The following ASAP1 variants were observed in gnomAD, a reference collection of about 807,000 sequenced individuals.
ASAP1 encodes the protein ArfGAP with SH3 domain, ankyrin repeat and PH domain 1, also known as arf-GAP with SH3 domain, ANK repeat and PH domain-containing protein 1.
In ASAP1, 43 loss-of-function variants were observed where a neutral mutation model predicts 145.2. That is an observed-to-expected ratio of 0.30 (90% confidence interval 0.23 to 0.38). The LOEUF (loss-of-function observed/expected upper bound fraction) is 0.38, where lower values mean the gene tolerates loss of function less well. Ranked by LOEUF, ASAP1 falls within the 10% of genes least tolerant of loss-of-function variation. The probability of loss-of-function intolerance (pLI) is 1.00; values close to 1 mark genes in which losing one functional copy is unlikely to be tolerated. For missense variants in ASAP1, 1,018 were observed against 1,355.3 expected, an observed-to-expected ratio of 0.75 and a Z score of 3.91; for synonymous variants, 546 against 515.5, an observed-to-expected ratio of 1.06 and a Z score of -0.80.
At chr8:130,204,049 C>T (rs754355597) in intron 5 of ASAP1, among the ~76,000 whole-genome samples, 5 of 152,188 alleles carry the variant, frequency 3.3e-5, no homozygotes, top group Non-Finnish European at 5.9e-5. Context: ...CCCCAGGCCA[C>T]GAACCGGTAC....
chr8:130,085,708 C>G (rs2097491185), intron 25 of ASAP1, among the ~76,000 whole-genome samples: 1 of 133,116 alleles, frequency 7.5e-6, no homozygotes, highest in Non-Finnish European at 1.5e-5. Flanking sequence ...GTACTCCAGC[C>G]TAAGCGACAG....
At chr8:130,326,659 C>T (rs1279566442) in intron 3 of ASAP1, among the ~76,000 whole-genome samples, 1 of 152,222 alleles carries the variant, frequency 6.6e-6, no homozygotes, top group African/African-American at 2.4e-5. Flanking sequence ...AAAACACCAG[C>T]AACAACAAAT....
intron 2 of ASAP1, among the ~76,000 whole-genome samples, chr8:130,385,430 G>C (rs970521469): frequency 2.6e-5 from 4 of 152,264 alleles, no homozygotes; most frequent in Non-Finnish European, 4.4e-5. Context: ...GGCGGGCCTT[G>C]TGAGGCCCAA....
chr8:130,433,375 G>A (rs1426685412), intron 1 of ASAP1, among the ~76,000 whole-genome samples: 1 of 152,138 alleles, frequency 6.6e-6, no homozygotes, highest in Non-Finnish European at 1.5e-5. Context: ...CTCACTTAGG[G>A]AAATCCTGCC....
chr8:130,122,224 CTT>C (rs2097567421), intron 18 of ASAP1, among the ~76,000 whole-genome samples: 1 of 152,170 alleles, frequency 6.6e-6, no homozygotes, highest in African/African-American at 2.4e-5. Flanking sequence ...GTATGACTGA[CTT>C]TTTAATTCCC....
chr8:130,205,154 C>T (rs780834291), intron 5 of ASAP1, among the ~76,000 whole-genome samples: 2 of 151,898 alleles, frequency 1.3e-5, no homozygotes, highest in Non-Finnish European at 1.5e-5. Flanking sequence ...TTTTCTTCTC[C>T]CTTCTCCACT....
At chr8:130,282,104 C>T (rs187016943) in intron 3 of ASAP1, among the ~76,000 whole-genome samples, 35 of 148,942 alleles carry the variant, frequency 2.3e-4, no homozygotes, top group Admixed American at 2.1e-3. Context: ...TGGCAAAAAT[C>T]GCAATTACTC....
At chr8:130,320,348 G>A (rs1336810242) in intron 3 of ASAP1, among the ~76,000 whole-genome samples, 3 of 152,078 alleles carry the variant, frequency 2.0e-5, no homozygotes, top group Admixed American at 6.5e-5. Context: ...CTGAGCTCAC[G>A]GGTTTGAGAC....
chr8:130,436,120 T>C (rs73427436), intron 1 of ASAP1, among the ~76,000 whole-genome samples: 2 of 151,902 alleles, frequency 1.3e-5, no homozygotes, highest in Non-Finnish European at 2.9e-5. Flanking sequence ...AATGAAGATA[T>C]AAAACACAAA....
intron 3 of ASAP1, among the ~76,000 whole-genome samples, chr8:130,332,898 A>G (rs974187810): frequency 7.3e-5 from 11 of 150,344 alleles, no homozygotes; most frequent in South Asian, 2.1e-4. Flanking sequence ...TAAGAAATCT[A>G]TAACAGCTAA....
chr8:130,420,277 CACAA>C (rs954037348), intron 1 of ASAP1, among the ~76,000 whole-genome samples: 5 of 133,664 alleles, frequency 3.7e-5, no homozygotes, highest in African/African-American at 8.3e-5. Context: ...CACACACACA[CACAA>C]TAGCAATAAC....
At chr8:130,077,926 C>T (rs1482094215) in intron 26 of ASAP1, among the ~76,000 whole-genome samples, 1 of 151,820 alleles carries the variant, frequency 6.6e-6, no homozygotes, top group African/African-American at 2.4e-5. Flanking sequence ...ATCTCAAAAG[C>T]AAACAAACAA....
At chr8:130,359,030 AG>A (rs1826560818) in intron 2 of ASAP1, among the ~76,000 whole-genome samples, 2 of 152,090 alleles carry the variant, frequency 1.3e-5, no homozygotes, top group Admixed American at 1.3e-4. Flanking sequence ...CGCTGGGCGC[AG>A]GGGCGGCCTC....
In ASAP1 at chr8:130,052,644, G is replaced by A. The variant is rs2097395242; in HGVS notation, c.*2087C>T. On this transcript the variant is annotated 3_prime_UTR_variant, in exon 30 of 30. Coordinates refer to ENST00000518721, the MANE Select transcript of ASAP1 (RefSeq NM_018482.4). ...ACTAGAAAAAAAAGGTGTTAAAAAT[G>A]CTGTGTAAGTTGCTGCAAAAGGGGA... is the stretch of plus-strand genomic sequence containing the variant. 1 of 150,624 alleles carries A rather than the reference G, an allele frequency of 6.6e-6. No individual in the cohort carries two copies. Among genetic ancestry groups the A allele is most frequent in the Non-Finnish European group, 1.5e-5 (1 of 67,730 alleles). The allele number at this position is 150,624 out of a possible 1,614,324, so 9.3% of individuals were successfully genotyped here.
chr8:130,237,034 G>A (rs1197409050), intron 3 of ASAP1, 40 bp from the exon 4 acceptor site: 3 of 1,434,702 alleles, frequency 2.1e-6, no homozygotes, highest in East Asian at 4.7e-5. Context: ...TAGAAGATTT[G>A]GTAAATTAAA....
At chr8:130,216,972 T>A (rs543328971) in intron 4 of ASAP1, among the ~76,000 whole-genome samples, 2 of 152,250 alleles carry the variant, frequency 1.3e-5, no homozygotes, top group Non-Finnish European at 2.9e-5. Flanking sequence ...ATACTGTGCA[T>A]CAGATCTTGT....
At chr8:130,173,795 G>A (rs144683064) in intron 9 of ASAP1, among the ~76,000 whole-genome samples, 10 of 150,910 alleles carry the variant, frequency 6.6e-5, no homozygotes, top group South Asian at 4.2e-4. Flanking sequence ...TAAAAAGGCC[G>A]GGTGTGGTGG....
chr8:130,301,322 A>T lies in ASAP1; in HGVS notation c.186+56695T>A, dbSNP rs551806962. On this transcript the variant is annotated intron_variant, in intron 3 of 29. Transcript: ENST00000518721. ...CCTTTATTCCACCCACAAACAAAAC[A>T]GTGTGTTCTGAGAAACGATGGAAAT... 5.3e-5 allele frequency among the ~76,000 whole-genome samples: 8 copies of T among 152,132 alleles called. No homozygotes were observed. In the South Asian group the frequency reaches 1.0e-3, roughly 20 times the overall value.
intron 3 of ASAP1, among the ~76,000 whole-genome samples, chr8:130,323,665 T>C (rs997489392): frequency 6.6e-6 from 1 of 152,206 alleles, no homozygotes; most frequent in Non-Finnish European, 1.5e-5. Context: ...TCCACTCCTC[T>C]ATGGTCCCAT....
Sources: allele counts gnomAD v4.1 joint callset (sites outside exome capture counted in the v4.1 genomes callset), GRCh38; gene constraint gnomAD v4.1.1; transcripts MANE v1.5; gene names NCBI Gene and HGNC (gene_info 2026-07-23, HGNC 2026-07-21).